Variants in FAM135B observed in about 807,000 individuals in gnomAD.
FAM135B encodes protein FAM135B.
In FAM135B, 43 loss-of-function variants were observed where a neutral mutation model predicts 127.7. The ratio of observed to expected loss-of-function variants is 0.34; its 90% CI spans 0.26 to 0.43. The LOEUF is 0.43. FAM135B is among the 20% of genes least tolerant of loss of function. The probability of loss-of-function intolerance (pLI) is 1.00; values close to 1 mark genes in which losing one functional copy is unlikely to be tolerated. For synonymous variants in FAM135B, 670 were observed against 665.1 expected (o/e 1.01, Z -0.11); for missense variants, 1,558 against 1,725.6 (o/e 0.90, Z 1.72).
At chr8:138,308,136 G>A (rs1231016805) in intron 3 of FAM135B, among the ~76,000 whole-genome samples, 1 of 152,024 alleles carries the variant, frequency 6.6e-6, no homozygotes, top group African/African-American at 2.4e-5. Flanking sequence ...TAAGTGGCCT[G>A]GAATCCTCTT....
intron 1 of FAM135B, among the ~76,000 whole-genome samples, chr8:138,408,953 G>A (rs1347515877): frequency 1.3e-5 from 2 of 152,140 alleles, no homozygotes. Flanking sequence ...CCATTTCAGC[G>A]ATTAGGCTAT....
Position 138,282,098 on chromosome 8 carries a change from T to C in FAM135B, c.158-16256A>G, listed in dbSNP as rs143698497. On this transcript the variant is annotated intron_variant, in intron 3 of 19. Coordinates refer to ENST00000395297, the MANE Select transcript of FAM135B (RefSeq NM_015912.4). The stretch of plus-strand genomic sequence containing the variant: ...GGACATAGCCGCTTAATGAAAATTA[T>C]GTCTCTAAAACAGATTTTTCCTCTA... Among the ~76,000 whole-genome samples, 392 of 152,358 alleles carry C rather than the reference T, an allele frequency of 2.6e-3. 1 individual carries two copies. Among genetic ancestry groups the C allele is most frequent in the African/African-American group, 9.0e-3 (374 of 41,582 alleles).
chr8:138,472,410 A>G (rs1230683466), intron 1 of FAM135B, among the ~76,000 whole-genome samples: 1 of 152,130 alleles, frequency 6.6e-6, no homozygotes, highest in Non-Finnish European at 1.5e-5. Flanking sequence ...AGAGCCACAT[A>G]CAAATGAAGT....
intron 18 of FAM135B, among the ~76,000 whole-genome samples, chr8:138,138,498 T>C (rs1816851531): frequency 6.6e-6 from 1 of 152,238 alleles, no homozygotes; most frequent in Non-Finnish European, 1.5e-5. Flanking sequence ...GACATTCCCA[T>C]GTAGCAGGTA....
Position 138,258,803 on chromosome 8 carries a change from C to CCACACACACACACACACACA in FAM135B, c.298-2064_298-2045dup, listed in dbSNP as rs57817492. On this transcript the variant is annotated intron_variant, in intron 4 of 19. Coordinates refer to ENST00000395297, the MANE Select transcript of FAM135B (RefSeq NM_015912.4). Reference sequence around the variant, plus strand: ...CCCTCCCTTCAAAAAGACACACACACCACACACACACACACACACACACAC... The same window carrying CCACACACACACACACACACA: ...CCCTCCCTTCAAAAAGACACACACACCACACACACACACACACACACACACACACACACACACACACACAC... Among the ~76,000 whole-genome samples the CCACACACACACACACACACA allele has an allele frequency of 5.7e-3, 831 of 146,598 alleles. 6 individuals are homozygous for CCACACACACACACACACACA. The highest frequency in any genetic ancestry group is 0.018 in the African/African-American group (711 of 39,098).
At chr8:138,202,015 C>T (rs1220244476) in intron 7 of FAM135B, among the ~76,000 whole-genome samples, 2 of 151,298 alleles carry the variant, frequency 1.3e-5, no homozygotes, top group African/African-American at 2.4e-5. Context: ...ATCCCAGCTA[C>T]TCAGGAGGCT....
intron 1 of FAM135B, among the ~76,000 whole-genome samples, chr8:138,381,658 T>G (rs1349279949): frequency 6.6e-6 from 1 of 152,214 alleles, no homozygotes; most frequent in African/African-American, 2.4e-5. Flanking sequence ...TATGAATGAC[T>G]GAATAAACCC....
chr8:138,455,980 C>T (rs1836754762), intron 1 of FAM135B, among the ~76,000 whole-genome samples: 1 of 152,208 alleles, frequency 6.6e-6, no homozygotes, highest in African/African-American at 2.4e-5. Context: ...TTTTCAGAGC[C>T]TCAATTTCTG....
chr8:138,262,481 G>A (rs1003173760), intron 4 of FAM135B, among the ~76,000 whole-genome samples: 4 of 152,138 alleles, frequency 2.6e-5, no homozygotes, highest in South Asian at 2.1e-4. Context: ...CAACCTAATG[G>A]TATTGTTTCC....
At chr8:138,283,992 G>A (rs534413479) in intron 3 of FAM135B, among the ~76,000 whole-genome samples, 1 of 152,048 alleles carries the variant, frequency 6.6e-6, no homozygotes, top group African/African-American at 2.4e-5. Context: ...ACAAAACTGA[G>A]CATGCATATG....
intron 5 of FAM135B, among the ~76,000 whole-genome samples, 162 bp downstream of exon 5, chr8:138,256,527 C>G (rs1054833990): frequency 1.3e-5 from 2 of 152,320 alleles, no homozygotes; most frequent in African/African-American, 4.8e-5. Flanking sequence ...ACCACACAAA[C>G]TTTCTTAGCC....
At chr8:138,404,708 C>A (rs1833354313) in intron 1 of FAM135B, among the ~76,000 whole-genome samples, 2 of 152,106 alleles carry the variant, frequency 1.3e-5, no homozygotes, top group Admixed American at 6.6e-5. Context: ...ACTTTCTTTG[C>A]TCGCTCATAA....
chr8:138,431,811 T>C (rs1587438857), intron 1 of FAM135B, among the ~76,000 whole-genome samples: 1 of 152,296 alleles, frequency 6.6e-6, no homozygotes, highest in Non-Finnish European at 1.5e-5. Context: ...TGGGTCCCTT[T>C]AGGTTTGCAA....
chr8:138,391,067 C>T (rs963254151), intron 1 of FAM135B, among the ~76,000 whole-genome samples: 2 of 152,130 alleles, frequency 1.3e-5, no homozygotes, highest in East Asian at 1.9e-4. Context: ...CTTCCAAACC[C>T]GAGAGTCACC....
intron 3 of FAM135B, among the ~76,000 whole-genome samples, chr8:138,270,196 A>G (rs1823268506): frequency 6.6e-6 from 1 of 152,158 alleles, no homozygotes; most frequent in Admixed American, 6.5e-5. Context: ...GTGGAAAAAT[A>G]TGGATAAGAA....
intron 3 of FAM135B, among the ~76,000 whole-genome samples, chr8:138,292,410 A>G (rs933718299): frequency 2.0e-5 from 3 of 152,114 alleles, no homozygotes; most frequent in Non-Finnish European, 1.5e-5. Context: ...AAATAGAAAA[A>G]AGAACTAAAC....
At chr8:138,138,214 G>A (rs1318468327) in intron 18 of FAM135B, among the ~76,000 whole-genome samples, 1 of 152,088 alleles carries the variant, frequency 6.6e-6, no homozygotes, top group Non-Finnish European at 1.5e-5. Flanking sequence ...ACAGGAGATA[G>A]CTCTAAGAGC....
intron 1 of FAM135B, among the ~76,000 whole-genome samples, chr8:138,372,083 G>A (rs1312041937): frequency 6.6e-6 from 1 of 152,244 alleles, no homozygotes; most frequent in African/African-American, 2.4e-5. Flanking sequence ...CCCTGGGAAG[G>A]CTGGCTTCTG....
chr8:138,330,138 G>A (rs774821552), intron 2 of FAM135B, among the ~76,000 whole-genome samples: 8 of 152,050 alleles, frequency 5.3e-5, no homozygotes, highest in Admixed American at 2.6e-4. Flanking sequence ...ATGCCCAGGC[G>A]GCTGCTCTTA....
Sources: allele counts gnomAD v4.1 joint callset (sites outside exome capture counted in the v4.1 genomes callset), GRCh38; gene constraint gnomAD v4.1.1; transcripts MANE v1.5; gene names NCBI Gene and HGNC (gene_info 2026-07-23, HGNC 2026-07-21).